The following CNGA3 variants were observed in gnomAD, a reference collection of about 807,000 sequenced individuals.
CNGA3 encodes cyclic nucleotide gated channel subunit alpha 3.
In CNGA3, 42 loss-of-function variants were observed where a neutral mutation model predicts 46.6. The observed-to-expected ratio is 0.90, with a 90% CI of 0.70 to 1.17. The LOEUF (loss-of-function observed/expected upper bound fraction) is 1.17. Among genes scored for constraint, CNGA3 ranks in the 50% most tolerant of loss-of-function variants. The pLI is 0.00. For synonymous variants in CNGA3, 394 were observed against 369.4 expected (o/e 1.07, Z -0.76); for missense variants, 893 against 890.7 (o/e 1.00, Z -0.03).
intron 6 of CNGA3, among the ~76,000 whole-genome samples, chr2:98,390,684 G>A (rs1282667398): frequency 6.6e-6 from 1 of 152,146 alleles, no homozygotes; most frequent in Non-Finnish European, 1.5e-5. Context: ...CATTTCTGAG[G>A]AAGCCTGCAG....
chr2:98,382,143 A>G (rs1471183929), intron 4 of CNGA3, among the ~76,000 whole-genome samples: 1 of 152,124 alleles, frequency 6.6e-6, no homozygotes, highest in East Asian at 1.9e-4. Context: ...TCAGCATGGG[A>G]AGATGGATGC....
At chr2:98,346,686 A>G (rs1272671976) in intron 1 of CNGA3, among the ~76,000 whole-genome samples, 152 bp downstream of exon 1, 1 of 152,018 alleles carries the variant, frequency 6.6e-6, no homozygotes, top group Non-Finnish European at 1.5e-5. Flanking sequence ...CGCTGTCCGC[A>G]GCCCCCGGTG....
intron 7 of CNGA3, among the ~76,000 whole-genome samples, chr2:98,395,516 T>C (rs188223976): frequency 6.6e-6 from 1 of 152,182 alleles, no homozygotes. Flanking sequence ...TTTTAAAGGA[T>C]CCTTTTTTAA....
intron 2 of CNGA3, among the ~76,000 whole-genome samples, chr2:98,371,273 T>G (rs1407499572): frequency 6.6e-6 from 1 of 152,174 alleles, no homozygotes; most frequent in Non-Finnish European, 1.5e-5. Context: ...GGCCCCAAAA[T>G]GCAGTAACAT....
chr2:98,396,841 G>C lies in CNGA3; in HGVS notation c.1671G>C (p.Gly557=), dbSNP rs1403631144. The C allele has an allele frequency of 1.2e-6, 2 of 1,614,052 alleles. No individual in the cohort carries two copies. The highest frequency in any genetic ancestry group is 2.2e-5 in the East Asian group (1 of 44,892). ...FGEISILNIK[G]SKSGNRRTAN... ...AGATCAGCATTCTGAACATCAAGGG[G>C]AGCAAGTCGGGGAACCGCAGGACGG... is the stretch of plus-strand genomic sequence containing the variant. Residue 557 remains glycine (G), a synonymous_variant, in exon 8 of 8, where the codon GGG becomes GGC. Coordinates refer to ENST00000272602, the MANE Select transcript of CNGA3 (RefSeq NM_001298.3).
chr2:98,387,447 G>A (rs1245845713), intron 5 of CNGA3, among the ~76,000 whole-genome samples: 6 of 152,178 alleles, frequency 3.9e-5, no homozygotes, highest in Non-Finnish European at 5.9e-5. Flanking sequence ...TGTCCCTTCC[G>A]CAACCTTTGT....
At chr2:98,347,633 T>C (rs1691666862) in intron 1 of CNGA3, among the ~76,000 whole-genome samples, 1 of 152,162 alleles carries the variant, frequency 6.6e-6, no homozygotes, top group Non-Finnish European at 1.5e-5. Context: ...CTGAACCAGG[T>C]GCCTCTGACA....
At chr2:98,365,724 G>A (rs983926483) in intron 1 of CNGA3, among the ~76,000 whole-genome samples, 12 of 151,944 alleles carry the variant, frequency 7.9e-5, no homozygotes, top group Non-Finnish European at 1.3e-4. Flanking sequence ...TGAAGTTCTC[G>A]TGTTGTGTTT....
At chr2:98,377,838 G>C in intron 3 of CNGA3, 38 bp downstream of exon 3, 1 of 1,559,900 alleles carries the variant, frequency 6.4e-7, no homozygotes, top group Non-Finnish European at 8.7e-7. Context: ...TGGCCTGGGG[G>C]ACACTGTTGC....
chr2:98,372,582 T>C (rs1692312280), intron 2 of CNGA3, among the ~76,000 whole-genome samples: 1 of 152,184 alleles, frequency 6.6e-6, no homozygotes, highest in Non-Finnish European at 1.5e-5. Flanking sequence ...GGACACTGGC[T>C]CTGCAACTGA....
At chr2:98,367,201 T>TTTTTTTTA (rs1257482068) in intron 1 of CNGA3, among the ~76,000 whole-genome samples, 5 of 147,880 alleles carry the variant, frequency 3.4e-5, no homozygotes, top group Admixed American at 6.7e-5. Flanking sequence ...TTTTTTTTTT[T>TTTTTTTTA]ATTGAGACAG....
chr2:98,389,376 G>A (rs2104228391), intron 5 of CNGA3, among the ~76,000 whole-genome samples: 1 of 152,308 alleles, frequency 6.6e-6, no homozygotes, highest in African/African-American at 2.4e-5. Flanking sequence ...GAAGGGTGTG[G>A]ATGTTGTCGT....
At chr2:98,366,535 C>A (rs1385846388) in intron 1 of CNGA3, among the ~76,000 whole-genome samples, 1 of 152,262 alleles carries the variant, frequency 6.6e-6, no homozygotes, top group Non-Finnish European at 1.5e-5. Context: ...ACCACAGCAG[C>A]CCCTCCCCGC....
chr2:98,370,406 C>G (rs552463033), intron 2 of CNGA3, among the ~76,000 whole-genome samples: 2 of 152,222 alleles, frequency 1.3e-5, no homozygotes, highest in African/African-American at 4.8e-5. Flanking sequence ...CCCATGTATT[C>G]ATCAAAAATG....
rs1464940991 is a variant in CNGA3, at chr2:98,369,952, G to A, written c.-24G>A. 6 of 1,585,884 alleles carry A rather than the reference G, an allele frequency of 3.8e-6. No individual in the cohort carries two copies. The highest frequency in any genetic ancestry group is 5.2e-6 in the Non-Finnish European group (6 of 1,155,488). ...TTCACATTTTAGCAATCATCTGGGG[G>A]GCTAAATGTGACAAACCGAGAAGAT... is the stretch of plus-strand genomic sequence containing the variant. On this transcript the variant is annotated 5_prime_UTR_variant, in exon 2 of 8. Coordinates refer to ENST00000272602, the MANE Select transcript of CNGA3 (RefSeq NM_001298.3).
At position 98,391,938 on chromosome 2, in the gene CNGA3, A is replaced by G. The variant is rs1459563911; in HGVS notation, c.641A>G (p.Tyr214Cys). Reference protein sequence around the residue: ...LVLDYSADVLYVLDVLVRART... With the variant: ...LVLDYSADVLCVLDVLVRART... ...CTGGACTACTCGGCAGATGTCCTGT[A>G]TGTCTTGGATGTGCTTGTACGAGCT... Residue 214 changes from tyrosine (Y) to cysteine (C), a missense_variant, in exon 7 of 8, where the codon TAT becomes TGT. Coordinates refer to ENST00000272602, the MANE Select transcript of CNGA3 (RefSeq NM_001298.3). The G allele has an allele frequency of 6.2e-7, 1 of 1,613,996 alleles. No individual in the cohort carries two copies. Among genetic ancestry groups the G allele is most frequent in the Non-Finnish European group, 8.5e-7 (1 of 1,179,964 alleles).
At chr2:98,371,682 G>A (rs1226655189) in intron 2 of CNGA3, among the ~76,000 whole-genome samples, 4 of 152,220 alleles carry the variant, frequency 2.6e-5, no homozygotes, top group East Asian at 1.9e-4. Flanking sequence ...TGCCTGCGTC[G>A]CACCACTGGA....
chr2:98,380,909 A>AG (rs1692522766), intron 4 of CNGA3, among the ~76,000 whole-genome samples: 1 of 152,178 alleles, frequency 6.6e-6, no homozygotes, highest in Non-Finnish European at 1.5e-5. Flanking sequence ...CAGGTGGGGA[A>AG]GGGGACAATG....
chr2:98,388,592 TA>T (rs1235778877), intron 5 of CNGA3, among the ~76,000 whole-genome samples: 1 of 152,230 alleles, frequency 6.6e-6, no homozygotes, highest in African/African-American at 2.4e-5. Context: ...GGGGGGCTTA[TA>T]AGTAAAGAGA....
Sources: gnomAD v4.1 joint callset for allele counts (sites outside exome capture counted in the v4.1 genomes callset) on GRCh38, gnomAD v4.1.1 for gene constraint, MANE v1.5 for transcripts, NCBI Gene and HGNC (gene_info 2026-07-23, HGNC 2026-07-21) for gene names.